Variants in CLCN6 observed in about 807,000 individuals in gnomAD.
CLCN6 encodes H(+)/Cl(-) exchange transporter 6.
CLCN6 carries 70 observed loss-of-function variants against 109.8 expected under a neutral mutation model. The ratio of observed to expected loss-of-function variants is 0.64; its 90% CI spans 0.53 to 0.78. The LOEUF is 0.78. Among genes scored for constraint, CLCN6 ranks in the 30% least tolerant of loss-of-function variants. The probability of loss-of-function intolerance (pLI) is 0.00; values close to 1 mark genes in which losing one functional copy is unlikely to be tolerated. For missense variants in CLCN6, 984 were observed against 1,142.3 expected (o/e 0.86, Z 2.00); for synonymous variants, 444 against 447.8 (o/e 0.99, Z 0.11).
Position 11,834,168 on chromosome 1 carries a change from G to T in CLCN6, c.1527-68G>T. 6.3e-7 allele frequency: 1 copy of T among 1,595,656 alleles called. No homozygotes were observed. The stretch of plus-strand genomic sequence containing the variant: ...TATGTGCATAGGCACAAGAGTATGA[G>T]CTGTAGGTCCTCCCCACAGCCTATC... On this transcript the variant is annotated intron_variant, in intron 15 of 22. Transcript: ENST00000346436. This position sits in a 1 kb window ranked among gnomAD's most constrained non-coding sequence, Gnocchi z 4.5.
intron 9 of CLCN6, 150 bp from the exon 10 acceptor site, chr1:11,826,939 C>CATTAAA: frequency 2.2e-6 from 2 of 901,426 alleles, no homozygotes; most frequent in South Asian, 1.8e-5. Context: ...ACACTCGCGG[C>CATTAAA]AAAGGCTGCC....
intron 2 of CLCN6, 48 bp downstream of exon 2, chr1:11,807,238 G>A (rs1163947007): frequency 6.0e-6 from 9 of 1,507,800 alleles, no homozygotes; most frequent in Non-Finnish European, 8.3e-6. Flanking sequence ...TGAGTGGCCT[G>A]GTCACTTCAG....
Position 11,814,043 on chromosome 1 carries a change from T to C in CLCN6, c.148-1803T>C, listed in dbSNP as rs530698318. On this transcript the variant is annotated intron_variant, in intron 2 of 22. Coordinates refer to ENST00000346436, the MANE Select transcript of CLCN6 (RefSeq NM_001286.5). ...TCACTTGTTGGTACTCCAGGACTCA[T>C]AAAAAAAGAATTTGGACTAACTCTA... 2.2e-4 allele frequency among the ~76,000 whole-genome samples: 33 copies of C among 152,236 alleles called. 1 individual carries two copies. The highest frequency in any genetic ancestry group is 7.9e-4 in the African/African-American group (33 of 41,554).
At chr1:11,840,116 G>T (rs2100664378) in intron 22 of CLCN6, 27 bp from the exon 23 acceptor site, 1 of 1,603,340 alleles carries the variant, frequency 6.2e-7, no homozygotes, top group East Asian at 2.2e-5. Context: ...TACCCTGAAG[G>T]TGACTCAGGC....
intron 22 of CLCN6, among the ~76,000 whole-genome samples, chr1:11,839,274 T>C (rs1339751239): frequency 5.9e-5 from 9 of 152,194 alleles, no homozygotes; most frequent in Admixed American, 5.9e-4. Flanking sequence ...CTGTTGTTGT[T>C]GTTTTGAGAC....
chr1:11,807,900 C>G (rs1191441842), intron 2 of CLCN6, among the ~76,000 whole-genome samples: 1 of 152,074 alleles, frequency 6.6e-6, no homozygotes, highest in African/African-American at 2.4e-5. Flanking sequence ...TTTAACCTGT[C>G]CCACTCACCC....
chr1:11,820,429 G>A (rs528154108), intron 5 of CLCN6: 2 of 712,340 alleles, frequency 2.8e-6, no homozygotes, highest in East Asian at 5.4e-5. Context: ...GTCAAGAGTG[G>A]GGAATAATTT....
At position 11,836,268 on chromosome 1, in the gene CLCN6, T is replaced by G. The variant is rs1406786641; in HGVS notation, c.1980+115T>G. On this transcript the variant is annotated intron_variant, in intron 18 of 22. Transcript: ENST00000346436. ...TGGACTTACCGGCTCTCAGGGGAAG[T>G]TGGCACTGTTCTCATCACATGCGAC... 4.3e-6 allele frequency: 4 copies of G among 927,964 alleles called. No homozygotes were observed. In the African/African-American group the frequency reaches 6.7e-5, roughly 16 times the overall value. 57.5% of individuals were successfully genotyped at this position (927,964 alleles called of 1,614,324 possible).
intron 13 of CLCN6, among the ~76,000 whole-genome samples, chr1:11,830,845 T>TTTTG (rs1644875566): frequency 6.6e-6 from 1 of 151,342 alleles, no homozygotes; most frequent in South Asian, 2.1e-4. Context: ...GTTTGTTTTG[T>TTTTG]TTTTTTAAGA....
At chr1:11,839,253 T>C (rs1644989714) in intron 22 of CLCN6, among the ~76,000 whole-genome samples, 1 of 151,820 alleles carries the variant, frequency 6.6e-6, no homozygotes. Context: ...CTCAGTCTTT[T>C]GTTGTTGTTG....
Position 11,833,977 on chromosome 1 carries a change from T to C in CLCN6, c.1473T>C (p.Pro491=). ...GISVPSGLFV[P]SLLCGAAFGR... ...CTGTTCCAAGTGGCCTTTTTGTGCC[T>C]TCTCTGCTGTGTGGAGCTGCTTTTG... Residue 491 remains proline (P), a synonymous_variant, in exon 15 of 23, where the codon CCT becomes CCC. Coordinates refer to ENST00000346436, the MANE Select transcript of CLCN6 (RefSeq NM_001286.5). 1.2e-6 allele frequency: 2 copies of C among 1,614,120 alleles called. No individual in the cohort carries two copies. Among genetic ancestry groups the C allele is most frequent in the Non-Finnish European group, 8.5e-7 (1 of 1,180,010 alleles).
intron 22 of CLCN6, 115 bp downstream of exon 22, chr1:11,838,775 TG>T: frequency 6.8e-7 from 1 of 1,481,392 alleles, no homozygotes; most frequent in South Asian, 1.1e-5. Flanking sequence ...GAGGGGAGAG[TG>T]TGGCCCAACA....
intron 1 of CLCN6, 144 bp from the exon 2 acceptor site, chr1:11,806,987 T>C (rs3737964): frequency 0.75 from 514,597 of 688,060 alleles, 193,869 homozygotes; most frequent in East Asian, 0.9. Context: ...CCCTCACCCC[T>C]GAAAGGTTTT....
chr1:11,816,070 C>T (rs1217331594), intron 3 of CLCN6, 159 bp downstream of exon 3: 3 of 597,818 alleles, frequency 5.0e-6, no homozygotes, highest in Non-Finnish European at 5.9e-6. Flanking sequence ...CTTTATTTCA[C>T]CTCGCAGGTA....
chr1:11,821,253 TTAGTATCCAGAATACAGGAAGAGGCTGGG>T (rs1260976791), intron 5 of CLCN6, among the ~76,000 whole-genome samples: 1 of 151,926 alleles, frequency 6.6e-6, no homozygotes, highest in Middle Eastern at 3.2e-3. Context: ...AGGCAGATAA[TTAGTATCCAGAATACAGGAAGAGGCTGGG>T]CGCGGTGGCT....
At chr1:11,836,368 C>A (rs1253883506) in intron 18 of CLCN6, among the ~76,000 whole-genome samples, 1 of 152,162 alleles carries the variant, frequency 6.6e-6, no homozygotes, top group African/African-American at 2.4e-5. Context: ...CCGCAATGAG[C>A]ATGTGGACAG....
chr1:11,818,995 G>T (rs970952785), intron 4 of CLCN6, among the ~76,000 whole-genome samples: 5 of 152,240 alleles, frequency 3.3e-5, no homozygotes, highest in African/African-American at 1.2e-4. Flanking sequence ...CTAAATGAAT[G>T]TTGTGTTTTA....
In CLCN6 at chr1:11,838,398, A is replaced by G. The variant is rs1308537309; in HGVS notation, c.2359A>G (p.Ile787Val). The G allele has an allele frequency of 1.2e-6, 2 of 1,613,892 alleles. No individual in the cohort carries two copies. Among genetic ancestry groups the G allele is most frequent in the Non-Finnish European group, 1.7e-6 (2 of 1,180,020 alleles). The change falls in exon 21 of 23, where the codon ATC becomes GTC. Residue 787 changes from isoleucine to valine, a missense_variant. By Grantham distance (29) the Ile-to-Val change is conservative. Coordinates refer to ENST00000346436, the MANE Select transcript of CLCN6 (RefSeq NM_001286.5). ...MAEDYPRYPD[I>V]HDLDLTLLNP... ...CGAGGACTACCCGCGGTACCCCGACATCCACGACCTGGACCTGACGCTGCT... is the reference window on the plus strand; with the variant it reads ...CGAGGACTACCCGCGGTACCCCGACGTCCACGACCTGGACCTGACGCTGCT...
intron 2 of CLCN6, among the ~76,000 whole-genome samples, chr1:11,813,605 G>A (rs1644631412): frequency 6.6e-6 from 1 of 152,054 alleles, no homozygotes; most frequent in South Asian, 2.1e-4. Flanking sequence ...TGGCCGGGCT[G>A]GTCTCAAACT....
Sources: gnomAD v4.1 joint callset for allele counts (sites outside exome capture counted in the v4.1 genomes callset) on GRCh38, gnomAD v4.1.1 for gene constraint, Gnocchi (gnomAD v3.1) non-coding constraint, MANE v1.5 for transcripts, NCBI Gene and HGNC (gene_info 2026-07-23, HGNC 2026-07-21) for gene names.